Variants in EGFL6 observed in about 807,000 individuals in gnomAD.
EGFL6 encodes epidermal growth factor-like protein 6.
Under a neutral mutation model 43.1 loss-of-function variants are expected in EGFL6, and 42 were observed. That is an observed-to-expected ratio of 0.98 (90% CI 0.76 to 1.26). The LOEUF (loss-of-function observed/expected upper bound fraction) is 1.26. Ranked by LOEUF, EGFL6 falls within the 50% of genes most tolerant of loss-of-function variation. The pLI is 0.00. For synonymous variants in EGFL6, 164 were observed against 163.2 expected (o/e 1.01, Z -0.04); for missense variants, 429 against 427.8 (o/e 1.00, Z -0.02).
At chrX:13,611,798 G>T (rs2045689970) in intron 7 of EGFL6, among the ~76,000 whole-genome samples, 1 of 112,225 alleles carries the variant, frequency 8.9e-6, no homozygotes, top group African/African-American at 3.2e-5. Context: ...TTCAATATCT[G>T]AAAATTATGC....
intron 7 of EGFL6, among the ~76,000 whole-genome samples, chrX:13,617,024 C>T (rs5978652): frequency 0.15 from 16,113 of 110,253 alleles, 1,448 homozygotes; most frequent in African/African-American, 0.35. Context: ...CGCCCGCCAC[C>T]GCGCCCGGCT....
intron 7 of EGFL6, among the ~76,000 whole-genome samples, chrX:13,614,947 G>A (rs6527854): frequency 3.6e-5 from 4 of 109,922 alleles, no homozygotes; most frequent in Non-Finnish European, 5.7e-5. Flanking sequence ...GGTGTTTCAC[G>A]ATGTATGTTG....
intron 7 of EGFL6, among the ~76,000 whole-genome samples, chrX:13,609,610 C>T (rs1283990569): frequency 3.6e-5 from 4 of 110,411 alleles, no homozygotes; most frequent in Non-Finnish European, 3.8e-5. Context: ...AAAAATTAGC[C>T]GGGCATGGTG....
At chrX:13,570,714 G>A (rs746288712) in intron 1 of EGFL6, among the ~76,000 whole-genome samples, 1 of 112,006 alleles carries the variant, frequency 8.9e-6, no homozygotes, top group Non-Finnish European at 1.9e-5. Context: ...TAATGGCTCT[G>A]TGTGTAAGGT....
At chrX:13,622,708 T>C (rs1461721497) in intron 9 of EGFL6, among the ~76,000 whole-genome samples, 2 of 112,558 alleles carry the variant, frequency 1.8e-5, no homozygotes, top group East Asian at 5.5e-4. Context: ...ACTCCGTCAT[T>C]GTAGCTCAGA....
intron 1 of EGFL6, among the ~76,000 whole-genome samples, chrX:13,577,087 T>A (rs192212542): frequency 1.8e-5 from 2 of 110,236 alleles, no homozygotes; most frequent in East Asian, 5.6e-4. Flanking sequence ...CAGAGATTCA[T>A]AACTACTGCC....
chrX:13,628,617 C>G (rs2045794276), intron 11 of EGFL6, among the ~76,000 whole-genome samples: 1 of 111,045 alleles, frequency 9.0e-6, no homozygotes, highest in South Asian at 3.8e-4. Flanking sequence ...AGTTCAAGAC[C>G]AGCCTGACCA....
At chrX:13,613,624 A>G (rs1242095962) in intron 7 of EGFL6, among the ~76,000 whole-genome samples, 4 of 111,715 alleles carry the variant, frequency 3.6e-5, no homozygotes, top group Non-Finnish European at 3.8e-5. Context: ...GGATGATAGT[A>G]TCTAGCCCTT....
At position 13,619,207 on chromosome X, in the gene EGFL6, C is replaced by G; in HGVS notation, c.1147C>G (p.Gln383Glu). 8.3e-7 allele frequency: 1 copy of G among 1,211,157 alleles called. No homozygotes were observed. The highest frequency in any genetic ancestry group is 1.1e-6 in the Non-Finnish European group (1 of 894,900). ...AGGTGAATTCGGCCTGATTCTGGTC[C>G]AAAGGAAAGCGCTAACTTCCAAACT... ...EAGEFGLILVQRKALTSKLEH... is the reference protein window; with the variant it reads ...EAGEFGLILVERKALTSKLEH... Residue 383 changes from glutamine (Q) to glutamate (E), a missense_variant, in exon 9 of 12, where the codon CAA (glutamine) becomes GAA (glutamate). Physicochemically the swap from Gln to Glu is conservative, Grantham distance 29 (BLOSUM62 2). Transcript: ENST00000361306.
intron 2 of EGFL6, among the ~76,000 whole-genome samples, 160 bp from the exon 3 acceptor site, chrX:13,594,676 C>T (rs1293080445): frequency 9.0e-6 from 1 of 111,500 alleles, no homozygotes; most frequent in Non-Finnish European, 1.9e-5. Context: ...TCATTGAATA[C>T]CACTGGAAGT....
Position 13,606,431 on chromosome X carries a change from T to G in EGFL6, c.573T>G (p.Cys191Trp). The change falls in exon 6 of 12, where the codon TGT becomes TGG. Residue 191 changes from cysteine to tryptophan, a missense_variant. Transcript: ENST00000361306. ...GKVICPYNRR[C>W]VNTFGSYYCK... ...TCATCTGTCCCTACAATCGAAGATG[T>G]GTGAACACATTTGGAAGCTACTACT... The G allele has an allele frequency of 8.3e-7, 1 of 1,211,140 alleles. No homozygotes were observed. Among genetic ancestry groups the G allele is most frequent in the Non-Finnish European group, 1.1e-6 (1 of 894,716 alleles).
intron 4 of EGFL6, 120 bp from the exon 5 acceptor site, chrX:13,603,197 C>G: frequency 1.2e-6 from 1 of 853,053 alleles, no homozygotes; most frequent in Non-Finnish European, 1.6e-6. Context: ...GACAATGAAA[C>G]TTGTCCTATA....
chrX:13,626,393 C>T (rs2045780612), intron 10 of EGFL6, among the ~76,000 whole-genome samples: 1 of 111,743 alleles, frequency 8.9e-6, no homozygotes, highest in African/African-American at 3.3e-5. Flanking sequence ...AGCCACAACC[C>T]GAAGATTGGA....
At chrX:13,628,743 G>A (rs1381147860) in intron 11 of EGFL6, among the ~76,000 whole-genome samples, 2 of 111,795 alleles carry the variant, frequency 1.8e-5, no homozygotes, top group African/African-American at 6.5e-5. Context: ...GGAGGCGGAG[G>A]TTGCAGTGAG....
At position 13,623,941 on chromosome X, in the gene EGFL6, A is replaced by T. The variant is rs1214971483; in HGVS notation, c.1285+16A>T. On this transcript the variant is annotated intron_variant, in intron 10 of 11. Transcript: ENST00000361306. ...CGAGATAATGGTATTTATATTTGAC[A>T]GTTTCATGTTCTGCAATATGGTGAA... The T allele has an allele frequency of 3.5e-6, 4 of 1,134,584 alleles. No homozygotes were observed. The South Asian group carries it at 7.3e-5, about 21-fold the overall frequency. 93.5% of individuals were successfully genotyped at this position (1,134,584 alleles called of 1,213,427 possible). A position where few individuals can be genotyped will look rare whatever the true frequency, so the allele number is the denominator to read the frequency against.
chrX:13,580,929 G>T, intron 1 of EGFL6, among the ~76,000 whole-genome samples: 1 of 112,097 alleles, frequency 8.9e-6, no homozygotes, highest in Middle Eastern at 4.6e-3. Context: ...ATGAGAGGGA[G>T]AATAAATGTA....
chrX:13,606,115 G>C (rs1034219006), intron 5 of EGFL6, among the ~76,000 whole-genome samples: 11 of 111,765 alleles, frequency 9.8e-5, no homozygotes, highest in Non-Finnish European at 2.1e-4. Context: ...AACAGCCAGG[G>C]CCTAACAGAA....
chrX:13,573,034 C>A (rs1245245442), intron 1 of EGFL6, among the ~76,000 whole-genome samples: 1 of 112,163 alleles, frequency 8.9e-6, no homozygotes, highest in Non-Finnish European at 1.9e-5. Flanking sequence ...ACTTTGCCTT[C>A]TCTCTGATTC....
intron 4 of EGFL6, among the ~76,000 whole-genome samples, chrX:13,600,792 T>C (rs1487530757): frequency 9.8e-6 from 1 of 101,879 alleles, no homozygotes; most frequent in African/African-American, 3.7e-5. Flanking sequence ...ACCTGTAATC[T>C]CAGAAAGAAA....
Sources: allele counts gnomAD v4.1 joint callset (sites outside exome capture counted in the v4.1 genomes callset), GRCh38; gene constraint gnomAD v4.1.1; transcripts MANE v1.5; gene names NCBI Gene and HGNC (gene_info 2026-07-23, HGNC 2026-07-21).